Variants in SCN1A observed in about 807,000 individuals in gnomAD.
SCN1A encodes sodium channel protein type 1 subunit alpha.
A neutral mutation model predicts 193.7 loss-of-function variants in SCN1A; 13 were observed. The ratio of observed to expected loss-of-function variants is 0.07; its 90% confidence interval spans 0.04 to 0.11. SCN1A has a LOEUF of 0.11. Ranked by LOEUF, SCN1A falls within the 10% of genes least tolerant of loss-of-function variation. SCN1A has a pLI of 1.00. For missense variants in SCN1A, 1,432 were observed against 2,451.1 expected (o/e 0.58, Z 8.78); for synonymous variants, 781 against 843.6 (o/e 0.93, Z 1.29).
chr2:166,076,754 T>A (rs1282140441), intron 3 of SCN1A, among the ~76,000 whole-genome samples: 1 of 151,716 alleles, frequency 6.6e-6, no homozygotes, highest in Non-Finnish European at 1.5e-5. Flanking sequence ...AGCCAACTGA[T>A]CTGTAATAAA....
chr2:166,009,733 A>G lies in SCN1A; in HGVS notation c.3988T>C (p.Phe1330Leu). 6.2e-7 allele frequency: 1 copy of G among 1,605,814 alleles called. No individual in the cohort carries two copies. The highest frequency in any genetic ancestry group is 8.5e-7 in the Non-Finnish European group (1 of 1,174,334). The change falls in exon 23 of 29, where the codon TTT (phenylalanine) becomes CTT (leucine). Residue 1330 changes from phenylalanine (F) to leucine (L), a missense_variant. By Grantham distance (22) the Phe-to-Leu change is conservative. This residue lies in a region of SCN1A where 107 missense variants were observed against 259.4 expected (regional missense o/e 0.41). Transcript: ENST00000674923. The part of the protein sequence containing the change: ...ALRPLRALSR[F>L]EGMRVVVNAL... The stretch of plus-strand genomic sequence containing the variant: ...ATTTTTCTTACCCTCATCCCTTCAA[A>G]TCGAGATAAGGCTCTTAGAGGTCTC...
At chr2:166,131,368 G>C (rs1184593091), upstream of SCN1A, among the ~76,000 whole-genome samples, 1 of 152,026 alleles carries the variant, frequency 6.6e-6, no homozygotes, top group Non-Finnish European at 1.5e-5. Flanking sequence ...ATGTCATTTA[G>C]TCTTTGTAAG....
chr2:166,009,544 G>A, intron 23 of SCN1A, 175 bp downstream of exon 23: 1 of 475,616 alleles, frequency 2.1e-6, no homozygotes. Context: ...TTTCAAGAGA[G>A]GCCTATTTCT....
chr2:165,991,327 G>A lies in SCN1A; in HGVS notation c.5948C>T (p.Pro1983Leu). Reference protein sequence around the residue: ...TDLTMSTAACPPSYDRVTKPI... With the variant: ...TDLTMSTAACLPSYDRVTKPI... ...CTTTGTCACCCGGTCATAGGAAGGT[G>A]GACAAGCTGCAGTGGACATGGTCAG... The change falls in exon 29 of 29, where the codon CCA becomes CTA. Residue 1983 changes from proline (P) to leucine (L), a missense_variant. Physicochemically the swap from Pro to Leu is moderately conservative, Grantham distance 98. Transcript: ENST00000674923. 1 of 1,613,430 alleles carries A rather than the reference G, an allele frequency of 6.2e-7. No homozygotes were observed. The highest frequency in any genetic ancestry group is 8.5e-7 in the Non-Finnish European group (1 of 1,179,802).
At chr2:166,114,197 A>G (rs1689602804) in intron 2 of SCN1A, among the ~76,000 whole-genome samples, 1 of 152,206 alleles carries the variant, frequency 6.6e-6, no homozygotes, top group Non-Finnish European at 1.5e-5. Flanking sequence ...TGGTAGAAAA[A>G]TCAGAAATTA....
chr2:166,125,330 G>A (rs1378689745), intron 2 of SCN1A, among the ~76,000 whole-genome samples: 2 of 152,182 alleles, frequency 1.3e-5, no homozygotes, highest in East Asian at 1.9e-4. Context: ...GCCCTTTGGC[G>A]AGTACAGGGA....
chr2:166,069,099 A>T (rs972943952), intron 4 of SCN1A, among the ~76,000 whole-genome samples: 1 of 152,228 alleles, frequency 6.6e-6, no homozygotes, highest in African/African-American at 2.4e-5. Flanking sequence ...GTGTGTTCAC[A>T]AGCTAAAATG....
chr2:166,088,980 A>G (rs111234691), intron 2 of SCN1A, among the ~76,000 whole-genome samples: 4 of 152,324 alleles, frequency 2.6e-5, no homozygotes, highest in African/African-American at 9.6e-5. Context: ...TGAATTTCAG[A>G]TAACTGATTT....
chr2:165,997,488 T>G (rs1224964204), intron 26 of SCN1A, among the ~76,000 whole-genome samples: 1 of 151,334 alleles, frequency 6.6e-6, no homozygotes, highest in Non-Finnish European at 1.5e-5. Flanking sequence ...AAATGAGCCT[T>G]ATAAATGATA....
At chr2:166,142,336 T>C (rs1692125421) in intron 1 of SCN1A, among the ~76,000 whole-genome samples, 1 of 152,224 alleles carries the variant, frequency 6.6e-6, no homozygotes, top group African/African-American at 2.4e-5. Flanking sequence ...AATAGTTGTG[T>C]CTTTATAATT....
At chr2:166,007,831 A>G (rs1691859531) in intron 23 of SCN1A, among the ~76,000 whole-genome samples, 1 of 151,358 alleles carries the variant, frequency 6.6e-6, no homozygotes, top group Non-Finnish European at 1.5e-5. Context: ...GTTTCTGAGC[A>G]TGTTCAAATC....
intron 20 of SCN1A, among the ~76,000 whole-genome samples, chr2:166,014,752 T>A (rs1455265016): frequency 2.8e-5 from 4 of 143,050 alleles, no homozygotes; most frequent in Non-Finnish European, 4.6e-5. Flanking sequence ...AACTAAGGAG[T>A]GAAGGAATGG....
At chr2:166,030,316 A>C (rs1559180007) in intron 19 of SCN1A, among the ~76,000 whole-genome samples, 1 of 152,098 alleles carries the variant, frequency 6.6e-6, no homozygotes. Context: ...TTACGGCATA[A>C]AGACTGAATG....
chr2:166,124,244 T>C (rs1390997339), intron 2 of SCN1A, among the ~76,000 whole-genome samples: 1 of 151,988 alleles, frequency 6.6e-6, no homozygotes, highest in Non-Finnish European at 1.5e-5. Flanking sequence ...GAGAGCTTTT[T>C]TTTTTTTAAT....
At chr2:166,110,077 A>G (rs1235817703) in intron 2 of SCN1A, among the ~76,000 whole-genome samples, 2 of 152,184 alleles carry the variant, frequency 1.3e-5, no homozygotes, top group Non-Finnish European at 2.9e-5. Context: ...CACATACCCC[A>G]TTTACTCTCA....
intron 4 of SCN1A, among the ~76,000 whole-genome samples, chr2:166,065,572 G>C (rs1574333087): frequency 6.6e-6 from 1 of 152,044 alleles, no homozygotes; most frequent in African/African-American, 2.4e-5. Context: ...CTTTCTACCT[G>C]ACTCTGAAGA....
At chr2:166,129,290 A>T (rs72875689), upstream of SCN1A, among the ~76,000 whole-genome samples, 68 of 152,312 alleles carry the variant, frequency 4.5e-4, no homozygotes, top group Non-Finnish European at 8.4e-4. Context: ...TCTTTGCAAC[A>T]TACCTAAAAG....
chr2:166,034,269 G>C (rs770282760), intron 19 of SCN1A, among the ~76,000 whole-genome samples: 2 of 152,074 alleles, frequency 1.3e-5, no homozygotes, highest in Non-Finnish European at 2.9e-5. Context: ...GCTGCTTCCA[G>C]CTCCAATATT....
intron 19 of SCN1A, among the ~76,000 whole-genome samples, chr2:166,032,802 G>A (rs1295169812): frequency 6.6e-6 from 1 of 152,096 alleles, no homozygotes; most frequent in East Asian, 1.9e-4. Context: ...TCTTAGAAGG[G>A]TGGTGTAAAG....
Sources: gnomAD v4.1 joint callset for allele counts (sites outside exome capture counted in the v4.1 genomes callset) on GRCh38, gnomAD v4.1.1 for gene constraint, gnomAD v4.1.1 regional missense constraint, MANE v1.5 for transcripts, NCBI Gene and HGNC (gene_info 2026-07-23, HGNC 2026-07-21) for gene names.